DPP6: variants seen among roughly 807,000 people sequenced by gnomAD.
The protein encoded by DPP6 is A-type potassium channel modulatory protein DPP6.
DPP6 carries 69 observed loss-of-function variants against 122.6 expected under a neutral mutation model. The observed-to-expected ratio is 0.56, with a 90% CI of 0.46 to 0.69. DPP6 has a LOEUF of 0.69. Ranked by LOEUF, DPP6 falls within the 30% of genes least tolerant of loss-of-function variation. The pLI is 0.00. For synonymous variants in DPP6, 418 were observed against 433.1 expected, an observed-to-expected ratio of 0.97 and a Z score of 0.43; for missense variants, 928 against 1,116.9, an observed-to-expected ratio of 0.83 and a Z score of 2.41.
intron 1 of DPP6, among the ~76,000 whole-genome samples, chr7:154,001,494 C>CA (rs913568818): frequency 6.7e-6 from 1 of 149,044 alleles, no homozygotes; most frequent in Admixed American, 6.7e-5. Flanking sequence ...GTCAGTCAGA[C>CA]ATCTGGAGCG....
intron 1 of DPP6, among the ~76,000 whole-genome samples, chr7:154,393,553 A>C (rs1814811796): frequency 7.3e-6 from 1 of 137,014 alleles, no homozygotes; most frequent in Non-Finnish European, 1.6e-5. Flanking sequence ...GAGATTGTTC[A>C]ATTTTTTTTT....
At chr7:154,312,073 G>T (rs926545504) in intron 1 of DPP6, among the ~76,000 whole-genome samples, 1 of 152,200 alleles carries the variant, frequency 6.6e-6, no homozygotes, top group Non-Finnish European at 1.5e-5. Flanking sequence ...TGAAGGTGAG[G>T]TCACAGCGGG....
At chr7:154,504,065 T>C (rs1825474130) in intron 3 of DPP6, among the ~76,000 whole-genome samples, 1 of 152,234 alleles carries the variant, frequency 6.6e-6, no homozygotes, top group African/African-American at 2.4e-5. Context: ...AATTTAGAAA[T>C]GTGTCTTCAG....
At chr7:154,435,491 A>T (rs1290627651) in intron 1 of DPP6, among the ~76,000 whole-genome samples, 1 of 152,152 alleles carries the variant, frequency 6.6e-6, no homozygotes, top group Admixed American at 6.5e-5. Flanking sequence ...GTTAATTATG[A>T]TCTGTGTTGG....
chr7:154,006,086 G>A (rs1038047732), intron 1 of DPP6, among the ~76,000 whole-genome samples: 7 of 152,196 alleles, frequency 4.6e-5, no homozygotes, highest in African/African-American at 1.4e-4. Context: ...GTTCATTGAA[G>A]ACCTTACTGA....
At chr7:154,115,062 G>T (rs1414454283) in intron 1 of DPP6, among the ~76,000 whole-genome samples, 2 of 152,184 alleles carry the variant, frequency 1.3e-5, no homozygotes, top group Non-Finnish European at 2.9e-5. Flanking sequence ...ACTTCATAGA[G>T]CTCAGAAGAA....
rs1023057870 is a variant in DPP6 at position 154,880,784 on chromosome 7, G to C, written c.2079-104G>C. On this transcript the variant is annotated intron_variant, in intron 20 of 25. Transcript: ENST00000377770. ...AAGGTTGCTTTTTATTTGAAGAGGG[G>C]TTTTCATCCTTGAAATGGATGGAAA... 6.3e-6 allele frequency: 10 copies of C among 1,594,904 alleles called. No homozygotes were observed. In the East Asian group the frequency reaches 2.0e-4, roughly 32 times the overall value.
At position 154,833,244 on chromosome 7, in the gene DPP6, G is replaced by T. The variant is rs889912546; in HGVS notation, c.1667-20536G>T. Among the ~76,000 whole-genome samples the T allele has an allele frequency of 6.6e-6, 1 of 152,164 alleles. No homozygotes were observed. The highest frequency in any genetic ancestry group is 1.5e-5 in the Non-Finnish European group (1 of 68,030). On this transcript the variant is annotated intron_variant, in intron 16 of 25. Coordinates refer to ENST00000377770, the MANE Select transcript of DPP6 (RefSeq NM_130797.4). The surrounding 1 kb of genome is among the most constrained non-coding windows in gnomAD (Gnocchi z 4.3). ...CCCAGTGCCCTGCCAGCATATTGTC[G>T]TAGAGACAGGCACACACAGCCAGCA...
chr7:154,589,780 C>T (rs886950061), intron 5 of DPP6, among the ~76,000 whole-genome samples: 3 of 152,220 alleles, frequency 2.0e-5, no homozygotes, highest in Admixed American at 6.5e-5. Context: ...CATCTTTAGC[C>T]TTCTTTGGCC....
intron 1 of DPP6, among the ~76,000 whole-genome samples, chr7:154,238,101 T>A (rs943657300): frequency 3.9e-5 from 6 of 152,158 alleles, no homozygotes; most frequent in African/African-American, 1.4e-4. Flanking sequence ...AAGAGATGTG[T>A]TATTTGGTAT....
chr7:154,058,750 C>G lies in DPP6; in HGVS notation c.243+5687C>G, dbSNP rs573852466. The G allele has an allele frequency of 2.0e-5, 3 of 151,232 alleles. No homozygotes were observed. In the East Asian group the frequency reaches 6.0e-4, roughly 30 times the overall value. The allele number at this position is 151,232 out of a possible 1,614,324, so 9.4% of individuals were successfully genotyped here. Reference sequence around the variant, plus strand: ...ACGTGGGATTACTGAGAGCCAGTCCCTCTTCCCCCCCGGCTCTGAGGAACC... The same window carrying G: ...ACGTGGGATTACTGAGAGCCAGTCCGTCTTCCCCCCCGGCTCTGAGGAACC... On this transcript the variant is annotated intron_variant, in intron 1 of 25. Transcript: ENST00000377770.
intron 1 of DPP6, among the ~76,000 whole-genome samples, chr7:153,954,638 AG>A (rs1291242850): frequency 1.3e-5 from 2 of 152,204 alleles, no homozygotes; most frequent in Admixed American, 1.3e-4. Flanking sequence ...CAAATAAAGC[AG>A]GTTACCCTCC....
At chr7:154,200,743 G>A (rs986250535) in intron 1 of DPP6, among the ~76,000 whole-genome samples, 2 of 152,160 alleles carry the variant, frequency 1.3e-5, no homozygotes. Flanking sequence ...GAAAACCAAA[G>A]CAGTACTATT....
chr7:154,369,551 A>C (rs1456859135), intron 1 of DPP6, among the ~76,000 whole-genome samples: 1 of 152,050 alleles, frequency 6.6e-6, no homozygotes, highest in African/African-American at 2.4e-5. Context: ...GTATTAGTAG[A>C]GGTGGGGTTT....
intron 10 of DPP6, among the ~76,000 whole-genome samples, chr7:154,788,799 T>C (rs985479849): frequency 3.3e-5 from 5 of 152,222 alleles, no homozygotes; most frequent in African/African-American, 4.8e-5. Context: ...GGTTTCTCTG[T>C]AGAAGCACTG....
chr7:153,867,965 G>A, the DPP6 span, among the ~76,000 whole-genome samples: 296 of 151,644 alleles, frequency 2.0e-3, 2 homozygotes, highest in African/African-American at 6.5e-3. Context: ...ATTGATTTTC[G>A]TATGTTGAAC....
At chr7:154,317,117 A>G (rs2151010458) in intron 1 of DPP6, among the ~76,000 whole-genome samples, 2 of 152,322 alleles carry the variant, frequency 1.3e-5, no homozygotes, top group South Asian at 4.1e-4. Context: ...AGACTTTGCT[A>G]AATAGACACA....
rs1041617275 is a variant in DPP6 at position 154,755,094 on chromosome 7, G to A, written c.884-14323G>A. Among the ~76,000 whole-genome samples the A allele has an allele frequency of 3.5e-5, 5 of 142,726 alleles. No individual in the cohort carries two copies. Among genetic ancestry groups the A allele is most frequent in the Middle Eastern group, 3.4e-3 (1 of 290 alleles). The allele number at this position is 142,726 out of a possible 152,430, so 93.6% of individuals were successfully genotyped here. ...ACCACCACGGCACATGTATACCTAT[G>A]TAACAAACCTGCACGTTCTGCACAT... On this transcript the variant is annotated intron_variant, in intron 8 of 25. Coordinates refer to ENST00000377770, the MANE Select transcript of DPP6 (RefSeq NM_130797.4). This position sits in a 1 kb window ranked among gnomAD's most constrained non-coding sequence, Gnocchi z 4.7.
At chr7:154,535,835 T>C (rs970358975) in intron 3 of DPP6, among the ~76,000 whole-genome samples, 7 of 152,156 alleles carry the variant, frequency 4.6e-5, no homozygotes, top group African/African-American at 1.7e-4. Context: ...ACTACACACC[T>C]GCTAGAGTGG....
Sources: allele counts gnomAD v4.1 joint callset (sites outside exome capture counted in the v4.1 genomes callset), GRCh38; gene constraint gnomAD v4.1.1; non-coding constraint Gnocchi (gnomAD v3.1); transcripts MANE v1.5; gene names NCBI Gene and HGNC (gene_info 2026-07-23, HGNC 2026-07-21).